Variants in ZNF101 observed in about 807,000 individuals in gnomAD.
ZNF101 encodes the protein zinc finger protein 101 (Y2).
Under a neutral mutation model 42.6 loss-of-function variants are expected in ZNF101, and 34 were observed. The ratio of observed to expected loss-of-function variants is 0.80; its 90% confidence interval spans 0.61 to 1.06. The LOEUF is 1.06. Among genes scored for constraint, ZNF101 ranks in the 50% least tolerant of loss-of-function variants. The pLI is 0.00. For missense variants in ZNF101, 466 were observed against 530.9 expected (o/e 0.88, Z 1.20); for synonymous variants, 158 against 183.9 (o/e 0.86, Z 1.14).
chr19:19,681,238 C>T lies in ZNF101; in HGVS notation c.*938C>T, dbSNP rs959961997. 6.6e-6 allele frequency: 1 copy of T among 152,104 alleles called. No homozygotes were observed. The highest frequency in any genetic ancestry group is 1.5e-5 in the Non-Finnish European group (1 of 68,028). 9.4% of individuals were successfully genotyped at this position (152,104 alleles called of 1,614,324 possible). On this transcript the variant is annotated 3_prime_UTR_variant, in exon 4 of 4. Coordinates refer to ENST00000592502, the MANE Select transcript of ZNF101 (RefSeq NM_033204.4). The stretch of plus-strand genomic sequence containing the variant: ...ACTAACTGGAAAAAAATCCAAAGAC[C>T]TCAGATATTCCAGTTCTATTCAGAG...
chr19:19,674,401 T>C (rs2062189874), intron 1 of ZNF101, among the ~76,000 whole-genome samples: 8 of 152,008 alleles, frequency 5.3e-5, no homozygotes, highest in Admixed American at 3.9e-4. Context: ...GTCTTGAACT[T>C]CTCACCTCAA....
Position 19,679,634 on chromosome 19 carries a change from T to C in ZNF101, c.645T>C (p.His215=). 6.2e-7 allele frequency: 1 copy of C among 1,612,778 alleles called. No homozygotes were observed. The highest frequency in any genetic ancestry group is 8.5e-7 in the Non-Finnish European group (1 of 1,179,306). ...AFTVSSFFRK[H]GKMHTGEKRY... ...CAGTTTCCAGTTTCTTTCGAAAACA[T>C]GGAAAAATGCATACTGGAGAAAAAC... Residue 215 remains histidine, a synonymous_variant, in exon 4 of 4, where the codon CAT becomes CAC. Transcript: ENST00000592502.
rs375908075 is a variant in ZNF101, at chr19:19,679,999, C to A, written c.1010C>A (p.Pro337His). Residue 337 changes from proline (P) to histidine (H), a missense_variant, in exon 4 of 4, where the codon CCT (proline) becomes CAT (histidine). Pro to His is a moderately conservative substitution (Grantham distance 77). Transcript: ENST00000592502. ...GAAAGAGCTCACACTGGAGAAAGAC[C>A]TTATGAATGTAATAAATGTGGTAAA... ...AHERAHTGER[P>H]YECNKCGKTF... is the part of the protein sequence containing the mutation. 5.9e-5 allele frequency: 95 copies of A among 1,613,892 alleles called. No individual in the cohort carries two copies. The highest frequency in any genetic ancestry group is 7.5e-5 in the Non-Finnish European group (88 of 1,180,006).
intron 1 of ZNF101, among the ~76,000 whole-genome samples, chr19:19,671,903 A>T (rs1357960895): frequency 6.6e-6 from 1 of 151,888 alleles, no homozygotes. Flanking sequence ...CTAAAAATTG[A>T]CTTCAACGGC....
In ZNF101 at chr19:19,671,501, A is replaced by ATT. The variant is rs534692202; in HGVS notation, c.3+2550_3+2551dup. Among the ~76,000 whole-genome samples the ATT allele has an allele frequency of 8.1e-3, 1,145 of 140,732 alleles. 14 individuals are homozygous for ATT. The highest frequency in any genetic ancestry group is 0.027 in the African/African-American group (1,011 of 37,958). 92.3% of individuals were successfully genotyped at this position (140,732 alleles called of 152,430 possible). On this transcript the variant is annotated intron_variant, in intron 1 of 3. Coordinates refer to ENST00000592502, the MANE Select transcript of ZNF101 (RefSeq NM_033204.4). Reference sequence around the variant, plus strand: ...TAATACCATCACCTTAGGTGTTAGGATTTTTTTTTTTTTTTTGAGACAGAG... The same window carrying ATT: ...TAATACCATCACCTTAGGTGTTAGGATTTTTTTTTTTTTTTTTTGAGACAGAG...
At chr19:19,668,780 C>T (rs768141256), upstream of ZNF101, 87 of 664,250 alleles carry the variant, frequency 1.3e-4, no homozygotes, top group Non-Finnish European at 1.8e-4. Flanking sequence ...CAATCAGGTG[C>T]GCCGGGAGGA....
chr19:19,679,567 G>A lies in ZNF101; in HGVS notation c.578G>A (p.Gly193Glu). ...LFQIHQRTHT[G>E]KRSYKCREIV... ...CAAATCCATCAAAGAACTCACACTG[G>A]AAAGAGGTCCTATAAATGTAGGGAA... The change falls in exon 4 of 4, where the codon GGA becomes GAA. Residue 193 changes from glycine to glutamate, a missense_variant. Physicochemically the swap from Gly to Glu is moderately conservative, Grantham distance 98 (BLOSUM62 -2). Coordinates refer to ENST00000592502, the MANE Select transcript of ZNF101 (RefSeq NM_033204.4). 1 of 1,614,140 alleles carries A rather than the reference G, an allele frequency of 6.2e-7. No individual in the cohort carries two copies. The highest frequency in any genetic ancestry group is 8.5e-7 in the Non-Finnish European group (1 of 1,180,034).
At chr19:19,668,481 T>C (rs1168825520), upstream of ZNF101, among the ~76,000 whole-genome samples, 3 of 152,062 alleles carry the variant, frequency 2.0e-5, no homozygotes, top group Non-Finnish European at 4.4e-5. Flanking sequence ...GGAGGAGGTC[T>C]ACTTCTAGCC....
At chr19:19,668,835 C>T (rs528227707), upstream of ZNF101, 5 of 1,241,778 alleles carry the variant, frequency 4.0e-6, no homozygotes. Context: ...CCCGCCGGCC[C>T]CCCATTCGGG....
At chr19:19,668,694 A>T, upstream of ZNF101, 1 of 453,302 alleles carries the variant, frequency 2.2e-6, no homozygotes, top group East Asian at 3.5e-5. Flanking sequence ...GATTCCGATC[A>T]CCTCTCCTGT....
chr19:19,676,282 T>G (rs1361447727), intron 1 of ZNF101: 1 of 151,838 alleles, frequency 6.6e-6, no homozygotes, highest in South Asian at 2.1e-4. Context: ...CATGCCAGGC[T>G]AATTTTTCTA....
At chr19:19,678,100 G>A in intron 2 of ZNF101, 110 bp downstream of exon 2, 2 of 1,464,394 alleles carry the variant, frequency 1.4e-6, no homozygotes, top group Non-Finnish European at 1.9e-6. Context: ...TGAATAAATG[G>A]GGCATCGTGG....
chr19:19,679,528 C>T lies in ZNF101; in HGVS notation c.539C>T (p.Ser180Phe), dbSNP rs971485074. 11 of 1,614,154 alleles carry T rather than the reference C, an allele frequency of 6.8e-6. No homozygotes were observed. The highest frequency in any genetic ancestry group is 2.7e-5 in the African/African-American group (2 of 75,054). Residue 180 changes from serine (S) to phenylalanine (F), a missense_variant, in exon 4 of 4, where the codon TCT becomes TTT. Physicochemically the swap from Ser to Phe is radical, Grantham distance 155 (BLOSUM62 -2). Coordinates refer to ENST00000592502, the MANE Select transcript of ZNF101 (RefSeq NM_033204.4). Reference protein sequence around the residue: ...ECKVCGKAFNSPNLFQIHQRT... With the variant: ...ECKVCGKAFNFPNLFQIHQRT... ...AAGGTGTGCGGGAAAGCCTTTAATT[C>T]TCCCAATTTATTTCAAATCCATCAA...
In ZNF101 at chr19:19,678,575, A is replaced by G. The variant is rs1334740854; in HGVS notation, c.131-151A>G. The G allele has an allele frequency of 4.9e-6, 3 of 612,340 alleles. No individual in the cohort carries two copies. In the South Asian group the frequency reaches 6.4e-5, roughly 13 times the overall value. 37.9% of individuals were successfully genotyped at this position (612,340 alleles called of 1,614,324 possible). On this transcript the variant is annotated intron_variant, in intron 2 of 3. Transcript: ENST00000592502. ...GGCTGCAGTGAGCAGAGATTGCATC[A>G]CTGCACTCCAGCCTGGGTGGCAGAG...
At chr19:19,668,814 C>G (rs577583752), upstream of ZNF101, 4 of 971,816 alleles carry the variant, frequency 4.1e-6, no homozygotes, top group African/African-American at 1.7e-5. Flanking sequence ...AAGCCCGAAG[C>G]GGTCTCATTT....
Position 19,668,846 on chromosome 19 carries a change from T to C in ZNF101, c.-118T>C. ...ATTTCCCGCCGGCCCCCCATTCGGGTCCGGGTTTTAGTTCCTCGGGGAGCC... is the reference window on the plus strand; with the variant it reads ...ATTTCCCGCCGGCCCCCCATTCGGGCCCGGGTTTTAGTTCCTCGGGGAGCC... On this transcript the variant is annotated 5_prime_UTR_variant, in exon 1 of 4. Coordinates refer to ENST00000592502, the MANE Select transcript of ZNF101 (RefSeq NM_033204.4). 7.5e-7 allele frequency: 1 copy of C among 1,338,974 alleles called. No individual in the cohort carries two copies. The allele number at this position is 1,338,974 out of a possible 1,614,324, so 82.9% of individuals were successfully genotyped here.
chr19:19,678,136 A>T, intron 2 of ZNF101, 146 bp downstream of exon 2: 11 of 1,242,570 alleles, frequency 8.9e-6, no homozygotes, highest in Non-Finnish European at 1.1e-5. Context: ...TTACCCTTGT[A>T]ATCCTAGTGC....
In ZNF101 at chr19:19,681,835, A is replaced by G. The variant is rs921880131; in HGVS notation, c.*1535A>G. 2.0e-5 allele frequency: 3 copies of G among 152,118 alleles called. No homozygotes were observed. Among genetic ancestry groups the G allele is most frequent in the Non-Finnish European group, 4.4e-5 (3 of 68,026 alleles). The allele number at this position is 152,118 out of a possible 1,614,324, so 9.4% of individuals were successfully genotyped here. On this transcript the variant is annotated 3_prime_UTR_variant, in exon 4 of 4. Transcript: ENST00000592502. Reference sequence around the variant, plus strand: ...AAGCCTGATGCAAATTAATTATTATATAATGCTCAAAAACTTAATCATGAA... The same window carrying G: ...AAGCCTGATGCAAATTAATTATTATGTAATGCTCAAAAACTTAATCATGAA...
intron 1 of ZNF101, among the ~76,000 whole-genome samples, chr19:19,673,177 C>T (rs536311428): frequency 1.1e-3 from 166 of 151,058 alleles, no homozygotes; most frequent in African/African-American, 3.9e-3. Context: ...TCTCAAACTC[C>T]TGACCTCAGG....
Sources: gnomAD v4.1 joint callset for allele counts (sites outside exome capture counted in the v4.1 genomes callset) on GRCh38, gnomAD v4.1.1 for gene constraint, MANE v1.5 for transcripts, NCBI Gene and HGNC (gene_info 2026-07-23, HGNC 2026-07-21) for gene names.